Variants in TRIL observed in about 807,000 individuals in gnomAD.
The protein encoded by TRIL is TLR4 interactor with leucine rich repeats.
TRIL carries 23 observed loss-of-function variants against 43.0 expected under a neutral mutation model. The ratio of observed to expected loss-of-function variants is 0.54; its 90% CI spans 0.39 to 0.76. The LOEUF is 0.76. Ranked by LOEUF, TRIL falls within the 30% of genes least tolerant of loss-of-function variation. TRIL has a pLI of 0.00. For missense variants in TRIL, 1,114 were observed against 1,139.3 expected (o/e 0.98, Z 0.32); for synonymous variants, 602 against 556.8 (o/e 1.08, Z -1.14).
In TRIL at chr7:28,957,810, G is replaced by T. The variant is rs779382628; in HGVS notation, c.237C>A (p.Phe79Leu). 1.2e-6 allele frequency: 2 copies of T among 1,613,876 alleles called. No individual in the cohort carries two copies. Among genetic ancestry groups the T allele is most frequent in the South Asian group, 1.1e-5 (1 of 91,088 alleles). The change falls in exon 1 of 1, where the codon TTC becomes TTA. Residue 79 changes from phenylalanine (F) to leucine (L), a missense_variant. Transcript: ENST00000539664. ...NFITNITAFD[F>L]HRLGQLRRLD... Reference sequence around the variant, plus strand: ...GCCGTCTGAGCTGCCCCAGACGGTGGAAGTCGAAGGCCGTGATGTTGGTTA... The same window carrying T: ...GCCGTCTGAGCTGCCCCAGACGGTGTAAGTCGAAGGCCGTGATGTTGGTTA...
At position 28,954,085 on chromosome 7, in the gene TRIL, C is replaced by G. The variant is rs1432438121; in HGVS notation, c.*1526G>C. ...ACTCCACTGCCAATAAATCCATAAC[C>G]ACTGTGACCATAACCACAGTGTACA... On this transcript the variant is annotated 3_prime_UTR_variant, in exon 1 of 1. Transcript: ENST00000539664. 6.6e-6 allele frequency: 1 copy of G among 152,572 alleles called. No individual in the cohort carries two copies. The highest frequency in any genetic ancestry group is 1.5e-5 in the Non-Finnish European group (1 of 68,028). The allele number at this position is 152,572 out of a possible 1,614,324, so 9.5% of individuals were successfully genotyped here. A position where few individuals can be genotyped will look rare whatever the true frequency, so the allele number is the denominator to read the frequency against.
In TRIL at chr7:28,953,364, CT is replaced by C; in HGVS notation, c.*2246del. On this transcript the variant is annotated 3_prime_UTR_variant, in exon 1 of 1. Transcript: ENST00000539664. ...ATTTGGAAACTCCAACAAATTATCT[CT>C]ATTAGTGGGTTTATTGACATAACTG... 6.5e-6 allele frequency: 1 copy of C among 152,760 alleles called. No individual in the cohort carries two copies. Among genetic ancestry groups the C allele is most frequent in the East Asian group, 1.9e-4 (1 of 5,192 alleles). The allele number at this position is 152,760 out of a possible 1,614,324, so 9.5% of individuals were successfully genotyped here.
In TRIL at chr7:28,955,340, C is replaced by T. The variant is rs1416253655; in HGVS notation, c.*271G>A. The T allele has an allele frequency of 2.1e-6, 1 of 472,560 alleles. No individual in the cohort carries two copies. Among genetic ancestry groups the T allele is most frequent in the African/African-American group, 2.0e-5 (1 of 49,954 alleles). The allele number at this position is 472,560 out of a possible 1,614,324, so 29.3% of individuals were successfully genotyped here. On this transcript the variant is annotated 3_prime_UTR_variant, in exon 1 of 1. Transcript: ENST00000539664. ...TTCTGCATTGCAGTGCTACAAAAGC[C>T]ATTCGCATAGCTGTGTCAAAGCCTC...
Position 28,957,946 on chromosome 7 carries a change from T to C in TRIL, c.101A>G (p.Gln34Arg). ...GGTGCACAGGAGATGCTGGGGATGC[T>C]GGCAGTCGCAGCGCTCCGGGCACAC... ...EPVCPERCDC[Q>R]HPQHLLCTNR... Residue 34 changes from glutamine to arginine, a missense_variant, in exon 1 of 1, where the codon CAG (glutamine) becomes CGG (arginine). Coordinates refer to ENST00000539664, the MANE Select transcript of TRIL (RefSeq NM_014817.4). 1 of 1,607,956 alleles carries C rather than the reference T, an allele frequency of 6.2e-7. No individual in the cohort carries two copies.
rs770049358 is a variant in TRIL, at chr7:28,957,696, G to A, written c.351C>T (p.Asn117=). 1.9e-6 allele frequency: 3 copies of A among 1,610,722 alleles called. No individual in the cohort carries two copies. The highest frequency in any genetic ancestry group is 2.5e-6 in the Non-Finnish European group (3 of 1,178,518). The change falls in exon 1 of 1, where the codon AAC becomes AAT. Residue 117 remains asparagine, a synonymous_variant. Transcript: ENST00000539664. ...TGCCCGGGGCGAGCGCCTGCAAGAG[G>A]TTGTTCCCCAGGTACAGCTCTTCCA... ...SRLEELYLGN[N]LLQALAPGTL... is the part of the protein sequence containing the mutation.
At position 28,957,414 on chromosome 7, in the gene TRIL, A is replaced by T. The variant is rs1783424249; in HGVS notation, c.633T>A (p.Ser211=). The part of the protein sequence containing the change: ...QLGKLRFLNL[S]ANELQPSLRH... The stretch of plus-strand genomic sequence containing the variant: ...GCAGGGAGGGCTGTAGCTCGTTGGC[A>T]GAGAGGTTGAGGAAGCGCAGCTTGC... Residue 211 remains serine, a synonymous_variant, in exon 1 of 1, where the codon TCT becomes TCA. Coordinates refer to ENST00000539664, the MANE Select transcript of TRIL (RefSeq NM_014817.4). The T allele has an allele frequency of 6.2e-7, 1 of 1,613,494 alleles. No individual in the cohort carries two copies. The highest frequency in any genetic ancestry group is 1.7e-5 in the Admixed American group (1 of 60,034).
In TRIL at chr7:28,956,346, G is replaced by A. The variant is rs747225686; in HGVS notation, c.1701C>T (p.Asp567=). The A allele has an allele frequency of 2.4e-5, 36 of 1,530,876 alleles. No homozygotes were observed. Among genetic ancestry groups the A allele is most frequent in the Admixed American group, 5.9e-5 (3 of 50,496 alleles). The allele number at this position is 1,530,876 out of a possible 1,614,324, so 94.8% of individuals were successfully genotyped here. A position where few individuals can be genotyped will look rare whatever the true frequency, so the allele number is the denominator to read the frequency against. The part of the protein sequence containing the change: ...TEHQERAAQS[D]GGAGLPPLVS... ...CCAGCGGCGGCAGCCCGGCCCCACCGTCGGACTGGGCGGCACGCTCCTGGT... is the reference window on the plus strand; with the variant it reads ...CCAGCGGCGGCAGCCCGGCCCCACCATCGGACTGGGCGGCACGCTCCTGGT... Residue 567 remains aspartate (D), a synonymous_variant, in exon 1 of 1, where the codon GAC becomes GAT. Transcript: ENST00000539664.
Position 28,956,209 on chromosome 7 carries a change from C to T in TRIL, c.1838G>A (p.Arg613Gln). The T allele has an allele frequency of 3.2e-6, 5 of 1,559,840 alleles. No individual in the cohort carries two copies. Among genetic ancestry groups the T allele is most frequent in the Non-Finnish European group, 4.3e-6 (5 of 1,154,720 alleles). The change falls in exon 1 of 1, where the codon CGG (arginine) becomes CAG (glutamine). Residue 613 changes from arginine (R) to glutamine (Q), a missense_variant. Physicochemically the swap from Arg to Gln is conservative, Grantham distance 43 (BLOSUM62 1). Coordinates refer to ENST00000539664, the MANE Select transcript of TRIL (RefSeq NM_014817.4). ...GCGGAAGCGCGCGCCGCCCAGCGGC[C>T]GGGGACTGCGGTGCTCGCGCACGGC... ...RWAVREHRSPRPLGGARFRLL... is the reference protein window; with the variant it reads ...RWAVREHRSPQPLGGARFRLL...
chr7:28,957,534 C>A lies in TRIL; in HGVS notation c.513G>T (p.Pro171=), dbSNP rs1174312878. The change falls in exon 1 of 1, where the codon CCG becomes CCT. Residue 171 remains proline, a synonymous_variant. Transcript: ENST00000539664. ...TGCCCAAGGGAGCGAAGACCGCGTC[C>A]GGCAGCGCCCCCAGGGCGTTCCCGT... ...RLDGNALGAL[P]DAVFAPLGNL... The A allele has an allele frequency of 6.2e-7, 1 of 1,612,916 alleles. No individual in the cohort carries two copies. Among genetic ancestry groups the A allele is most frequent in the Admixed American group, 1.7e-5 (1 of 60,006 alleles).
Position 28,956,407 on chromosome 7 carries a change from CA to C in TRIL, c.1639del (p.Trp547GlyfsTer44), listed in dbSNP as rs769151132. ...CAGACGATGCTTCGTCGCGCGCTGC[CA>C]GGGGTCGCCGGCGGGCGATGGCGCA... is the stretch of plus-strand genomic sequence containing the variant. Reference protein sequence around the residue: ...GSAPSPAGDPWQRATKHRLGT... With the variant: ...GSAPSPAGDPXQRATKHRLGT... On this transcript the variant is annotated frameshift_variant, in exon 1 of 1. Transcript: ENST00000539664. LOFTEE classifies it high-confidence loss of function. The C allele has an allele frequency of 6.5e-7, 1 of 1,536,502 alleles. No homozygotes were observed. Among genetic ancestry groups the C allele is most frequent in the East Asian group, 2.4e-5 (1 of 40,944 alleles).
Position 28,956,981 on chromosome 7 carries a change from G to C in TRIL, c.1066C>G (p.Leu356Val). The C allele has an allele frequency of 6.3e-7, 1 of 1,583,960 alleles. No homozygotes were observed. Among genetic ancestry groups the C allele is most frequent in the Non-Finnish European group, 8.6e-7 (1 of 1,166,246 alleles). The change falls in exon 1 of 1, where the codon CTA becomes GTA. Residue 356 changes from leucine to valine, a missense_variant. Leu to Val is a conservative substitution (Grantham distance 32). Coordinates refer to ENST00000539664, the MANE Select transcript of TRIL (RefSeq NM_014817.4). The stretch of plus-strand genomic sequence containing the variant: ...TCGCAGGTCCAGCCGTTGCCGTCTA[G>C]ATCCAGCCGATAAAGGGCTGGGCTG... Reference protein sequence around the residue: ...AASPALYRLDLDGNGWTCDCR... With the variant: ...AASPALYRLDVDGNGWTCDCR...
At position 28,957,085 on chromosome 7, in the gene TRIL, AAGGTGGCCGG is replaced by A; in HGVS notation, c.952_961del (p.Pro318SerfsTer36). 1.9e-6 allele frequency: 3 copies of A among 1,573,518 alleles called. No homozygotes were observed. The highest frequency in any genetic ancestry group is 2.6e-6 in the Non-Finnish European group (3 of 1,162,814). On this transcript the variant is annotated frameshift_variant, in exon 1 of 1. Coordinates refer to ENST00000539664, the MANE Select transcript of TRIL (RefSeq NM_014817.4). LOFTEE classifies it high-confidence loss of function. Reference sequence around the variant, plus strand: ...CTCGCGCAGCCGGCCCAGGTGGCCGAAGGTGGCCGGGTGCAGGGCGGACAGCTCATTGCCG... The same window carrying A: ...CTCGCGCAGCCGGCCCAGGTGGCCGAGTGCAGGGCGGACAGCTCATTGCCG...
chr7:28,956,262 C>T lies in TRIL; in HGVS notation c.1785G>A (p.Val595=). ...AGCGCACCGAGGCGCTGTCTGCGCC[C>T]ACCGCCTCCACCGTCAGGTTGCACA... ...FILCNLTVEA[V]GADSASVRWA... Residue 595 remains valine (V), a synonymous_variant, in exon 1 of 1, where the codon GTG becomes GTA. Coordinates refer to ENST00000539664, the MANE Select transcript of TRIL (RefSeq NM_014817.4). 6.5e-7 allele frequency: 1 copy of T among 1,546,234 alleles called. No individual in the cohort carries two copies. The highest frequency in any genetic ancestry group is 8.7e-7 in the Non-Finnish European group (1 of 1,149,534).
Position 28,955,887 on chromosome 7 carries a change from G to A in TRIL, c.2160C>T (p.Arg720=), listed in dbSNP as rs1222751569. 2.6e-6 allele frequency: 4 copies of A among 1,550,426 alleles called. No homozygotes were observed. The Admixed American group carries it at 5.9e-5, about 23-fold the overall frequency. The part of the protein sequence containing the change: ...VLLALAAWAS[R]WLRRKLRARR... ...TAGCCCGCAGTTTCCTACGCAGCCA[G>A]CGAGACGCCCAGGCCGCCAAGGCCA... The change falls in exon 1 of 1, where the codon CGC becomes CGT. Residue 720 remains arginine, a synonymous_variant. Transcript: ENST00000539664.
In TRIL at chr7:28,957,990, G is replaced by C. The variant is rs763690469; in HGVS notation, c.57C>G (p.Leu19=). ...LLLVVCGCLA[L]PPLAEPVCPE... Reference sequence around the variant, plus strand: ...GGCACACGGGCTCGGCCAGCGGCGGGAGCGCGAGGCAGCCGCACACCACGA... The same window carrying C: ...GGCACACGGGCTCGGCCAGCGGCGGCAGCGCGAGGCAGCCGCACACCACGA... Residue 19 remains leucine, a synonymous_variant, in exon 1 of 1, where the codon CTC becomes CTG. Transcript: ENST00000539664. 6.3e-7 allele frequency: 1 copy of C among 1,599,260 alleles called. No homozygotes were observed. The highest frequency in any genetic ancestry group is 1.1e-5 in the South Asian group (1 of 90,792).
rs779447147 is a variant in TRIL at position 28,957,599 on chromosome 7, A to G, written c.448T>C (p.Ser150Pro). Residue 150 changes from serine to proline, a missense_variant, in exon 1 of 1, where the codon TCC (serine) becomes CCC (proline). Transcript: ENST00000539664. ...GNEISRLSRG[S>P]FEGLESLVKL... ...ACTAGACTCTCCAGGCCCTCGAAGGAGCCGCGGCTTAGGCGGCTGATCTCG... is the reference window on the plus strand; with the variant it reads ...ACTAGACTCTCCAGGCCCTCGAAGGGGCCGCGGCTTAGGCGGCTGATCTCG... 2.4e-5 allele frequency: 39 copies of G among 1,611,860 alleles called. No homozygotes were observed. The highest frequency in any genetic ancestry group is 3.3e-5 in the Non-Finnish European group (39 of 1,179,326).
rs370155466 is a variant in TRIL at position 28,955,685 on chromosome 7, T to C, written c.2362A>G (p.Met788Val). 40 of 1,549,392 alleles carry C rather than the reference T, an allele frequency of 2.6e-5. No individual in the cohort carries two copies. In the Admixed American group the frequency reaches 6.3e-4, roughly 24 times the overall value. ...DLIEFPCDRF[M>V]DSAGGGAGGS... ...CCCGCGCCGCCGCCCGCACTGTCCATGAAGCGGTCGCAGGGGAATTCGATG... is the reference window on the plus strand; with the variant it reads ...CCCGCGCCGCCGCCCGCACTGTCCACGAAGCGGTCGCAGGGGAATTCGATG... Residue 788 changes from methionine to valine, a missense_variant, in exon 1 of 1, where the codon ATG (methionine) becomes GTG (valine). Met to Val is a conservative substitution (Grantham distance 21). Coordinates refer to ENST00000539664, the MANE Select transcript of TRIL (RefSeq NM_014817.4).
rs1224230532 is a variant in TRIL, at chr7:28,956,067, G to C, written c.1980C>G (p.Cys660Trp). 1 of 1,551,918 alleles carries C rather than the reference G, an allele frequency of 6.4e-7. No homozygotes were observed. Among genetic ancestry groups the C allele is most frequent in the Non-Finnish European group, 8.7e-7 (1 of 1,151,940 alleles). Residue 660 changes from cysteine (C) to tryptophan (W), a missense_variant, in exon 1 of 1, where the codon TGC (cysteine) becomes TGG (tryptophan). Coordinates refer to ENST00000539664, the MANE Select transcript of TRIL (RefSeq NM_014817.4). ...ELRGDTPYLV[C>W]VEGVLGGRVC... ...CACGGCCCCCAAGCACGCCCTCCAC[G>C]CACACCAGGTAGGGGGTGTCCCCGC... is the stretch of plus-strand genomic sequence containing the variant.
rs1414180367 is a variant in TRIL, at chr7:28,955,290, C to A, written c.*321G>T. ...CTGGCCATGTTGGGGGCACAAGCAC[C>A]CCCTTTCTACCCCCAAAGCCTGGCT... On this transcript the variant is annotated 3_prime_UTR_variant, in exon 1 of 1. Coordinates refer to ENST00000539664, the MANE Select transcript of TRIL (RefSeq NM_014817.4). 1.4e-5 allele frequency: 5 copies of A among 363,582 alleles called. No homozygotes were observed. In the East Asian group the frequency reaches 2.1e-4, roughly 15 times the overall value. 22.5% of individuals were successfully genotyped at this position (363,582 alleles called of 1,614,324 possible). A position where few individuals can be genotyped will look rare whatever the true frequency, so the allele number is the denominator to read the frequency against.
Sources: allele counts gnomAD v4.1 joint callset, GRCh38; gene constraint gnomAD v4.1.1; transcripts MANE v1.5; gene names NCBI Gene and HGNC (gene_info 2026-07-23, HGNC 2026-07-21).